The following GRAMD1B variants were observed in gnomAD, a reference collection of about 807,000 sequenced individuals.
The protein encoded by GRAMD1B is protein Aster-B.
Under a neutral mutation model 99.7 loss-of-function variants are expected in GRAMD1B, and 37 were observed. The observed-to-expected ratio is 0.37, with a 90% CI of 0.29 to 0.49. GRAMD1B has a LOEUF of 0.49. GRAMD1B is among the 20% of genes least tolerant of loss of function. The probability of loss-of-function intolerance (pLI) is 0.98; values close to 1 mark genes in which losing one functional copy is unlikely to be tolerated. For missense variants in GRAMD1B, 888 were observed against 1,009.2 expected, an observed-to-expected ratio of 0.88 and a Z score of 1.63; for synonymous variants, 427 against 387.6, an observed-to-expected ratio of 1.10 and a Z score of -1.19.
chr11:123,380,325 C>A (rs2135785195), intron 1 of GRAMD1B, among the ~76,000 whole-genome samples: 1 of 152,230 alleles, frequency 6.6e-6, no homozygotes, highest in Non-Finnish European at 1.5e-5. Context: ...GTCTTTGATC[C>A]TCATGGTCTA....
chr11:123,619,903 A>G (rs139669924), intron 19 of GRAMD1B, among the ~76,000 whole-genome samples: 1 of 152,338 alleles, frequency 6.6e-6, no homozygotes, highest in Non-Finnish European at 1.5e-5. Flanking sequence ...CAAGAGAATT[A>G]GAAAATAATA....
intron 1 of GRAMD1B, among the ~76,000 whole-genome samples, chr11:123,469,554 G>A (rs1377781288): frequency 6.6e-6 from 1 of 152,112 alleles, no homozygotes; most frequent in Non-Finnish European, 1.5e-5. Context: ...TGGAGTATAA[G>A]GAGAGGAGAA....
chr11:123,623,222 A>T lies in GRAMD1B; in HGVS notation c.*627A>T, dbSNP rs1301575906. On this transcript the variant is annotated 3_prime_UTR_variant, in exon 20 of 20. Coordinates refer to ENST00000635736, the MANE Select transcript of GRAMD1B (RefSeq NM_001387025.1). ...CATTGTGTGGTGGCAGGCTCCCGAGACTCGTGTTCTGAAGGATACTCTCCT... is the reference window on the plus strand; with the variant it reads ...CATTGTGTGGTGGCAGGCTCCCGAGTCTCGTGTTCTGAAGGATACTCTCCT... 1.3e-5 allele frequency: 2 copies of T among 151,644 alleles called. No homozygotes were observed. Among genetic ancestry groups the T allele is most frequent in the African/African-American group, 4.8e-5 (2 of 41,242 alleles). 9.4% of individuals were successfully genotyped at this position (151,644 alleles called of 1,614,324 possible).
chr11:123,566,305 A>C lies in GRAMD1B; in HGVS notation c.453-11062A>C, dbSNP rs551495040. On this transcript the variant is annotated intron_variant, in intron 2 of 19. Coordinates refer to ENST00000635736, the MANE Select transcript of GRAMD1B (RefSeq NM_001387025.1). ...TACCCTGATGTCTAGACAGAGTGAT[A>C]AGGCTAGCAGAGAGTCTGGAAGTGA... Among the ~76,000 whole-genome samples, 29 of 152,342 alleles carry C rather than the reference A, an allele frequency of 1.9e-4. 1 individual carries two copies. The South Asian group carries it at 6.0e-3, about 32-fold the overall frequency.
intron 1 of GRAMD1B, among the ~76,000 whole-genome samples, chr11:123,424,175 T>G (rs186548703): frequency 1.3e-5 from 2 of 151,924 alleles, no homozygotes; most frequent in African/African-American, 2.4e-5. Flanking sequence ...CATCTGCTTT[T>G]TTCTCCAATT....
At chr11:123,483,920 C>T (rs182829504) in intron 2 of GRAMD1B, among the ~76,000 whole-genome samples, 129 of 152,250 alleles carry the variant, frequency 8.5e-4, no homozygotes, top group African/African-American at 3.0e-3. Flanking sequence ...AACAGTTCAG[C>T]TTATCAATTT....
At chr11:123,602,967 C>T (rs1952173582) in intron 8 of GRAMD1B, among the ~76,000 whole-genome samples, 1 of 152,176 alleles carries the variant, frequency 6.6e-6, no homozygotes, top group Non-Finnish European at 1.5e-5. Flanking sequence ...TGTAAGGCCA[C>T]AGTTAATACA....
At chr11:123,569,377 G>A (rs1400637582) in intron 2 of GRAMD1B, among the ~76,000 whole-genome samples, 1 of 152,184 alleles carries the variant, frequency 6.6e-6, no homozygotes, top group African/African-American at 2.4e-5. Flanking sequence ...GCTGGTATTT[G>A]TGATTTGGGC....
At chr11:123,505,232 CTG>C (rs959708051) in intron 2 of GRAMD1B, among the ~76,000 whole-genome samples, 34 of 151,416 alleles carry the variant, frequency 2.2e-4, no homozygotes, top group African/African-American at 7.5e-4. Flanking sequence ...GTCTCTCACT[CTG>C]TTTTCCGGGC....
chr11:123,498,087 G>T (rs368316806), intron 2 of GRAMD1B, among the ~76,000 whole-genome samples: 1 of 151,940 alleles, frequency 6.6e-6, no homozygotes, highest in African/African-American at 2.4e-5. Context: ...TTTTCATTCC[G>T]CTTGTGATGA....
chr11:123,538,515 C>T (rs1216105445), intron 2 of GRAMD1B, among the ~76,000 whole-genome samples: 2 of 152,172 alleles, frequency 1.3e-5, no homozygotes, highest in South Asian at 4.1e-4. Flanking sequence ...AAAAGAATCC[C>T]CACACCATTT....
intron 2 of GRAMD1B, among the ~76,000 whole-genome samples, chr11:123,491,370 G>A (rs369631176): frequency 6.6e-6 from 1 of 152,206 alleles, no homozygotes; most frequent in South Asian, 2.1e-4. Flanking sequence ...TGCTTGGCCA[G>A]TGAATTCCCC....
At chr11:123,525,363 C>T (rs2135469846) in intron 2 of GRAMD1B, among the ~76,000 whole-genome samples, 1 of 152,278 alleles carries the variant, frequency 6.6e-6, no homozygotes, top group African/African-American at 2.4e-5. Context: ...ACCACGGGGC[C>T]TCTGAGTTCT....
At chr11:123,583,929 G>A (rs948092034) in intron 3 of GRAMD1B, among the ~76,000 whole-genome samples, 3 of 152,154 alleles carry the variant, frequency 2.0e-5, no homozygotes, top group Admixed American at 6.5e-5. Context: ...TAGAGCAGAA[G>A]GCTGGGTTGG....
chr11:123,593,935 C>T (rs1467755263), intron 4 of GRAMD1B, 147 bp from the exon 5 acceptor site: 1 of 637,088 alleles, frequency 1.6e-6, no homozygotes. Flanking sequence ...AGGCGCCGTT[C>T]CTCAGCCTGG....
intron 1 of GRAMD1B, among the ~76,000 whole-genome samples, chr11:123,456,034 G>A (rs1023559012): frequency 6.6e-6 from 1 of 152,108 alleles, no homozygotes; most frequent in Admixed American, 6.5e-5. Flanking sequence ...AGCTGGGTGT[G>A]GTGGCACACA....
chr11:123,548,309 T>TACACAC (rs1945231196), intron 2 of GRAMD1B, among the ~76,000 whole-genome samples: 1 of 84,410 alleles, frequency 1.2e-5, no homozygotes, highest in South Asian at 3.2e-4. Context: ...TATATATATA[T>TACACAC]ATATATATAT....
At chr11:123,383,205 G>GCTCTCT (rs55890434) in intron 1 of GRAMD1B, among the ~76,000 whole-genome samples, 59 of 146,962 alleles carry the variant, frequency 4.0e-4, no homozygotes, top group Middle Eastern at 7.1e-3. Context: ...TCAGAGTCTT[G>GCTCTCT]CTCTCTCTCT....
intron 3 of GRAMD1B, among the ~76,000 whole-genome samples, chr11:123,579,200 G>A (rs773432435): frequency 6.6e-6 from 1 of 152,234 alleles, no homozygotes; most frequent in East Asian, 1.9e-4. Context: ...AACGTGCAGC[G>A]AGTGGAGGGT....
Sources: allele counts gnomAD v4.1 joint callset (sites outside exome capture counted in the v4.1 genomes callset), GRCh38; gene constraint gnomAD v4.1.1; transcripts MANE v1.5; gene names NCBI Gene and HGNC (gene_info 2026-07-23, HGNC 2026-07-21).